Variants in PTBP3 observed in about 807,000 individuals in gnomAD.
PTBP3 encodes the protein polypyrimidine tract-binding protein 3.
Under a neutral mutation model 58.7 loss-of-function variants are expected in PTBP3, and 20 were observed. The observed-to-expected ratio is 0.34, with a 90% confidence interval of 0.24 to 0.50. PTBP3 has a LOEUF of 0.50. Among genes scored for constraint, PTBP3 ranks in the 20% least tolerant of loss-of-function variants. The pLI, the probability that PTBP3 is intolerant of heterozygous loss-of-function variation, is 0.98. For synonymous variants in PTBP3, 185 were observed against 219.8 expected (o/e 0.84, Z 1.40); for missense variants, 509 against 637.2 (o/e 0.80, Z 2.17).
chr9:112,341,902 T>C, the PTBP3 span, among the ~76,000 whole-genome samples: 1 of 152,192 alleles, frequency 6.6e-6, no homozygotes, highest in African/African-American at 2.4e-5. Context: ...TAATTTTAGG[T>C]GTCAACTTGC....
Position 112,333,471 on chromosome 9 carries a change from C to T in PTBP3, c.-53G>A, listed in dbSNP as rs759266576. 4.4e-6 allele frequency: 7 copies of T among 1,589,584 alleles called. No homozygotes were observed. The highest frequency in any genetic ancestry group is 6.0e-6 in the Non-Finnish European group (7 of 1,168,822). On this transcript the variant is annotated splice_region_variant and 5_prime_UTR_variant, in exon 1 of 14. The change abolishes an upstream ATG in the 5' untranslated region. Coordinates refer to ENST00000374257, the MANE Select transcript of PTBP3 (RefSeq NM_001163788.4). The stretch of plus-strand genomic sequence containing the variant: ...GCCGCCGCGCCGCCTAGTACTTACC[C>T]ATCCATGGCCCAGATGGAGGCGCGC...
At chr9:112,311,787 A>C (rs949000573) in intron 1 of PTBP3, among the ~76,000 whole-genome samples, 3 of 152,226 alleles carry the variant, frequency 2.0e-5, no homozygotes, top group East Asian at 3.9e-4. Context: ...CTGAAAAAAA[A>C]CGGTTTTTTA....
intron 2 of PTBP3, among the ~76,000 whole-genome samples, chr9:112,296,075 T>C (rs909295539): frequency 2.6e-5 from 4 of 152,206 alleles, no homozygotes; most frequent in Admixed American, 2.0e-4. Context: ...GCGTATTTTA[T>C]GTGTGGCCCA....
intron 8 of PTBP3, among the ~76,000 whole-genome samples, chr9:112,233,842 A>C (rs1273912170): frequency 2.0e-5 from 3 of 152,160 alleles, no homozygotes; most frequent in Non-Finnish European, 4.4e-5. Context: ...GAGGCATGAG[A>C]ATCATTTGAA....
the PTBP3 span, among the ~76,000 whole-genome samples, chr9:112,346,832 T>G: frequency 6.6e-6 from 1 of 151,984 alleles, no homozygotes; most frequent in African/African-American, 2.4e-5. Context: ...CAAGTGATTC[T>G]CCTGCCTCAG....
intron 7 of PTBP3, among the ~76,000 whole-genome samples, chr9:112,241,516 T>C (rs1482696725): frequency 6.6e-6 from 1 of 152,202 alleles, no homozygotes; most frequent in East Asian, 1.9e-4. Flanking sequence ...TATACTGTAT[T>C]TTTACTGTAC....
chr9:112,221,709 C>T lies in PTBP3; in HGVS notation c.*2142G>A. 1.0e-6 allele frequency: 1 copy of T among 985,168 alleles called. No individual in the cohort carries two copies. The highest frequency in any genetic ancestry group is 1.2e-6 in the Non-Finnish European group (1 of 829,716). 61.0% of individuals were successfully genotyped at this position (985,168 alleles called of 1,614,324 possible). ...TATCTATCTATTCAGCCAAACTGAT[C>T]CATTTGAAAAGTCTTAACTTAGTAT... is the stretch of plus-strand genomic sequence containing the variant. On this transcript the variant is annotated 3_prime_UTR_variant, in exon 14 of 14. Coordinates refer to ENST00000374257, the MANE Select transcript of PTBP3 (RefSeq NM_001163788.4).
chr9:112,307,949 T>G (rs1829295896), intron 1 of PTBP3, among the ~76,000 whole-genome samples: 1 of 152,162 alleles, frequency 6.6e-6, no homozygotes, highest in Non-Finnish European at 1.5e-5. Context: ...ATATTTTTGG[T>G]GTTTTGTTGT....
chr9:112,369,707 C>T, the PTBP3 span, among the ~76,000 whole-genome samples: 17 of 152,126 alleles, frequency 1.1e-4, no homozygotes, highest in African/African-American at 4.1e-4. Flanking sequence ...CTCTGGGGGA[C>T]TGTTGGGAAG....
intron 4 of PTBP3, among the ~76,000 whole-genome samples, chr9:112,265,168 C>A (rs1436407767): frequency 2.1e-5 from 2 of 96,102 alleles, no homozygotes; most frequent in South Asian, 3.0e-4. Context: ...CAGTTAATTT[C>A]TGAAAAAAGA....
chr9:112,283,661 A>C (rs1260814421), intron 2 of PTBP3, among the ~76,000 whole-genome samples: 1 of 152,276 alleles, frequency 6.6e-6, no homozygotes, highest in African/African-American at 2.4e-5. Flanking sequence ...AGAAATATGC[A>C]TAAGTAACCA....
At chr9:112,271,447 G>A (rs760741685) in intron 3 of PTBP3, among the ~76,000 whole-genome samples, 14 of 152,140 alleles carry the variant, frequency 9.2e-5, no homozygotes, top group East Asian at 1.9e-4. Context: ...AAAGACAGGC[G>A]TAGTGGCTCA....
At chr9:112,347,800 G>A in the PTBP3 span, among the ~76,000 whole-genome samples, 1 of 152,168 alleles carries the variant, frequency 6.6e-6, no homozygotes, top group African/African-American at 2.4e-5. Flanking sequence ...GTTACTTCAG[G>A]GGAGGAGGCA....
At chr9:112,318,084 G>T (rs1302016719) in intron 1 of PTBP3, among the ~76,000 whole-genome samples, 2 of 151,978 alleles carry the variant, frequency 1.3e-5, no homozygotes, top group African/African-American at 2.4e-5. Flanking sequence ...CAAGAAATAA[G>T]AAATGTTTCC....
intron 7 of PTBP3, among the ~76,000 whole-genome samples, chr9:112,245,315 A>C (rs1241201232): frequency 6.6e-6 from 1 of 152,210 alleles, no homozygotes; most frequent in Non-Finnish European, 1.5e-5. Context: ...TCAAAAACAC[A>C]AACAAACAAA....
the PTBP3 span, among the ~76,000 whole-genome samples, chr9:112,376,197 ACGTGTGTGTGTG>A: frequency 0.036 from 3,987 of 112,116 alleles, 320 homozygotes; most frequent in African/African-American, 0.11. Flanking sequence ...TTCCTTATAT[ACGTGTGTGTGTG>A]TGTGTGTGTG....
At chr9:112,234,787 A>G (rs1249795302) in intron 8 of PTBP3, 33 bp downstream of exon 8, 5 of 1,561,658 alleles carry the variant, frequency 3.2e-6, no homozygotes, top group African/African-American at 1.4e-5. Context: ...AACTTCATTA[A>G]AAGTCATTTC....
chr9:112,300,087 CAATA>C (rs1442478134), intron 1 of PTBP3, among the ~76,000 whole-genome samples: 3 of 152,084 alleles, frequency 2.0e-5, no homozygotes, highest in African/African-American at 7.2e-5. Context: ...AAAAGATGGA[CAATA>C]TCATGTTAGT....
At chr9:112,332,647 C>A in intron 1 of PTBP3, 1 of 1,053,704 alleles carries the variant, frequency 9.5e-7, no homozygotes, top group Non-Finnish European at 1.3e-6. Flanking sequence ...TCAAGTCCCA[C>A]CCCATATCCC....
Sources: allele counts gnomAD v4.1 joint callset (sites outside exome capture counted in the v4.1 genomes callset), GRCh38; gene constraint gnomAD v4.1.1; transcripts MANE v1.5; gene names NCBI Gene and HGNC (gene_info 2026-07-23, HGNC 2026-07-21).